Variants in ANAPC4 observed in about 807,000 individuals in gnomAD.
ANAPC4 encodes the protein anaphase promoting complex subunit 4.
Under a neutral mutation model 119.8 loss-of-function variants are expected in ANAPC4, and 63 were observed. The observed-to-expected ratio is 0.53, with a 90% CI of 0.43 to 0.65. The LOEUF is 0.65. Among genes scored for constraint, ANAPC4 ranks in the 30% least tolerant of loss-of-function variants. The pLI is 0.00. For synonymous variants in ANAPC4, 283 were observed against 318.6 expected (o/e 0.89, Z 1.19); for missense variants, 716 against 945.1 (o/e 0.76, Z 3.18).
intron 2 of ANAPC4, among the ~76,000 whole-genome samples, chr4:25,378,303 G>A (rs1052407024): frequency 2.6e-5 from 4 of 152,168 alleles, no homozygotes; most frequent in African/African-American, 7.2e-5. Context: ...AGAGTTATCT[G>A]GCCATGTGAG....
At chr4:25,397,597 A>T (rs1241633337) in intron 16 of ANAPC4, among the ~76,000 whole-genome samples, 3 of 152,026 alleles carry the variant, frequency 2.0e-5, no homozygotes, top group African/African-American at 7.3e-5. Flanking sequence ...TTTTTCTCCT[A>T]CCCTCACACT....
chr4:25,378,215 A>G (rs1214460960), intron 2 of ANAPC4, among the ~76,000 whole-genome samples: 1 of 152,168 alleles, frequency 6.6e-6, no homozygotes, highest in Non-Finnish European at 1.5e-5. Flanking sequence ...GTTGTACCCA[A>G]CTTTCTGCTG....
intron 2 of ANAPC4, among the ~76,000 whole-genome samples, chr4:25,378,176 T>G (rs1721514250): frequency 6.6e-6 from 1 of 152,228 alleles, no homozygotes; most frequent in Non-Finnish European, 1.5e-5. Context: ...CATTTCTTGT[T>G]CACATAAAAC....
chr4:25,392,482 T>A, intron 10 of ANAPC4, 61 bp downstream of exon 10: 2 of 1,424,644 alleles, frequency 1.4e-6, no homozygotes, highest in Non-Finnish European at 2.0e-6. Flanking sequence ...GTTCTGTAAA[T>A]AAAAAGCTTC....
At chr4:25,381,714 C>CTGATTCACCTCA (rs1481097859) in intron 3 of ANAPC4, among the ~76,000 whole-genome samples, 1 of 152,076 alleles carries the variant, frequency 6.6e-6, no homozygotes, top group Non-Finnish European at 1.5e-5. Flanking sequence ...CTTTGGGAGG[C>CTGATTCACCTCA]TGAGGTAGGT....
chr4:25,389,481 C>G (rs142723083), intron 7 of ANAPC4, among the ~76,000 whole-genome samples: 1 of 151,476 alleles, frequency 6.6e-6, no homozygotes, highest in Non-Finnish European at 1.5e-5. Context: ...TTAGTAGAGA[C>G]GGGGTTTCAC....
intron 2 of ANAPC4, 52 bp downstream of exon 2, chr4:25,377,608 C>A: frequency 6.6e-7 from 1 of 1,510,394 alleles, no homozygotes; most frequent in Admixed American, 2.0e-5. Flanking sequence ...CCGGGGGGCC[C>A]AAGAACACCG....
chr4:25,415,744 A>T (rs1044866033), intron 26 of ANAPC4: 1 of 498,754 alleles, frequency 2.0e-6, no homozygotes, highest in Middle Eastern at 5.1e-4. Flanking sequence ...CCTGCAGTTT[A>T]TGTCGTACGG....
At chr4:25,380,988 T>TA (rs756398905) in intron 3 of ANAPC4, among the ~76,000 whole-genome samples, 7 of 152,330 alleles carry the variant, frequency 4.6e-5, no homozygotes, top group Non-Finnish European at 7.3e-5. Flanking sequence ...GGTACCCTCT[T>TA]ACGTTAAAGC....
intron 2 of ANAPC4, 62 bp from the exon 3 acceptor site, chr4:25,380,312 G>C (rs1217163047): frequency 7.3e-7 from 1 of 1,366,866 alleles, no homozygotes; most frequent in Non-Finnish European, 1.0e-6. Context: ...TAGGGATCTA[G>C]GTTTATTTTA....
At position 25,416,421 on chromosome 4, in the gene ANAPC4, C is replaced by T; in HGVS notation, c.1902-4C>T. ...TGATATAACAAAACTTATTTTAATT[C>T]TAGCATCTACAGTTGTTTAGATGCA... On this transcript the variant is annotated splice_region_variant and splice_polypyrimidine_tract_variant and intron_variant, in intron 26 of 28. Transcript: ENST00000315368. 1 of 1,497,144 alleles carries T rather than the reference C, an allele frequency of 6.7e-7. No homozygotes were observed. The highest frequency in any genetic ancestry group is 9.0e-7 in the Non-Finnish European group (1 of 1,110,098). 92.7% of individuals were successfully genotyped at this position (1,497,144 alleles called of 1,614,324 possible). A position where few individuals can be genotyped will look rare whatever the true frequency, so the allele number is the denominator to read the frequency against.
chr4:25,417,986 G>A (rs1351147506), intron 28 of ANAPC4, 169 bp from the exon 29 acceptor site: 1 of 841,430 alleles, frequency 1.2e-6, no homozygotes, highest in Non-Finnish European at 1.8e-6. Flanking sequence ...GTTGTTATGT[G>A]GAGATCTTTT....
intron 3 of ANAPC4, among the ~76,000 whole-genome samples, chr4:25,382,036 A>G (rs975497683): frequency 6.6e-6 from 1 of 152,248 alleles, no homozygotes; most frequent in African/African-American, 2.4e-5. Context: ...CCGATAAAAT[A>G]CATACATGTA....
At chr4:25,394,016 G>T (rs575345993) in intron 11 of ANAPC4, 125 bp downstream of exon 11, 13 of 838,290 alleles carry the variant, frequency 1.6e-5, no homozygotes, top group African/African-American at 1.4e-4. Flanking sequence ...CTTTCAAATG[G>T]CTTCGTCTGA....
In ANAPC4 at chr4:25,418,176, G is replaced by A. The variant is rs755782244; in HGVS notation, c.2221G>A (p.Val741Met). 1.3e-5 allele frequency: 21 copies of A among 1,613,806 alleles called. No homozygotes were observed. Among genetic ancestry groups the A allele is most frequent in the Non-Finnish European group, 1.8e-5 (21 of 1,179,868 alleles). Residue 741 changes from valine to methionine, a missense_variant, in exon 29 of 29, where the codon GTG becomes ATG. Transcript: ENST00000315368. ...SCVLSSNLRH[V>M]RVFEMDIDDE... Reference sequence around the variant, plus strand: ...TTAGTTAAGCTCAAATCTTCGTCATGTGAGAGTATTTGAAATGGACATAGA... The same window carrying A: ...TTAGTTAAGCTCAAATCTTCGTCATATGAGAGTATTTGAAATGGACATAGA...
chr4:25,386,396 G>A (rs10033436), intron 4 of ANAPC4, among the ~76,000 whole-genome samples: 93,885 of 151,544 alleles, frequency 0.62, 29,365 homozygotes, highest in African/African-American at 0.63. Context: ...TATTTTTAGT[G>A]GAGACGGGAT....
intron 4 of ANAPC4, among the ~76,000 whole-genome samples, chr4:25,386,420 C>T (rs549061689): frequency 1.3e-5 from 2 of 151,896 alleles, no homozygotes; most frequent in Non-Finnish European, 1.5e-5. Context: ...ACCATGTTGG[C>T]CAGGCTGGTC....
chr4:25,404,181 A>G (rs919579503), intron 17 of ANAPC4, among the ~76,000 whole-genome samples: 5 of 152,194 alleles, frequency 3.3e-5, no homozygotes, highest in Non-Finnish European at 7.4e-5. Context: ...TCAACCTAAC[A>G]TAATTGCTTT....
intron 7 of ANAPC4, among the ~76,000 whole-genome samples, chr4:25,389,835 G>A (rs1722246916): frequency 1.3e-5 from 2 of 152,118 alleles, no homozygotes; most frequent in African/African-American, 4.8e-5. Context: ...GTATTAGTTG[G>A]TAAAAGGATT....
Sources: gnomAD v4.1 joint callset for allele counts (sites outside exome capture counted in the v4.1 genomes callset) on GRCh38, gnomAD v4.1.1 for gene constraint, MANE v1.5 for transcripts, NCBI Gene and HGNC (gene_info 2026-07-23, HGNC 2026-07-21) for gene names.